The following ATP7A variants were observed in gnomAD, a reference collection of about 807,000 sequenced individuals.
ATP7A encodes copper-transporting ATPase 1.
A neutral mutation model predicts 83.5 loss-of-function variants in ATP7A; 7 were observed. The observed-to-expected ratio is 0.08, with a 90% CI of 0.05 to 0.16. ATP7A has a LOEUF of 0.16. ATP7A is among the 10% of genes least tolerant of loss of function. The probability of loss-of-function intolerance (pLI) is 1.00; values close to 1 mark genes in which losing one functional copy is unlikely to be tolerated. For missense variants in ATP7A, 940 were observed against 1,120.8 expected, an observed-to-expected ratio of 0.84 and a Z score of 2.30; for synonymous variants, 354 against 395.2, an observed-to-expected ratio of 0.90 and a Z score of 1.24.
rs781883798 is a variant in ATP7A at position 78,024,154 on chromosome X, G to C, written c.2916+3075G>C. 4.5e-5 allele frequency among the ~76,000 whole-genome samples: 5 copies of C among 111,779 alleles called. No homozygotes were observed. The South Asian group carries it at 1.8e-3, about 41-fold the overall frequency. ...TCTCTATTTTGTTCAGTTGATCTAC[G>C]TGTCTATTTTTGTATCAATACCACG... On this transcript the variant is annotated intron_variant, in intron 14 of 22. Transcript: ENST00000341514.
At chrX:77,957,265 A>G (rs1163290863) in intron 1 of ATP7A, among the ~76,000 whole-genome samples, 1 of 110,956 alleles carries the variant, frequency 9.0e-6, no homozygotes, top group Non-Finnish European at 1.9e-5. Context: ...GTTTTAGGGT[A>G]CATGTGCACA....
At chrX:77,932,550 A>G (rs901948911) in intron 1 of ATP7A, among the ~76,000 whole-genome samples, 32 of 112,407 alleles carry the variant, frequency 2.8e-4, no homozygotes, top group Non-Finnish European at 4.7e-4. Context: ...AGGCCAAGGC[A>G]GGCGGCTGGG....
intron 5 of ATP7A, 124 bp downstream of exon 5, chrX:77,998,808 T>C: frequency 2.6e-6 from 2 of 769,316 alleles, no homozygotes; most frequent in Non-Finnish European, 4.0e-6. Context: ...TTTTCAGTAA[T>C]GTGTGGGACA....
At chrX:78,033,894 T>TTCAGG in intron 17 of ATP7A, 73 bp downstream of exon 17, 1 of 1,020,587 alleles carries the variant, frequency 9.8e-7, no homozygotes, top group Non-Finnish European at 1.4e-6. Context: ...AACCCTGAAC[T>TTCAGG]GTTATAGAAG....
chrX:78,012,258 C>A (rs1451084700), intron 9 of ATP7A, among the ~76,000 whole-genome samples: 9 of 111,748 alleles, frequency 8.1e-5, no homozygotes, highest in Non-Finnish European at 1.7e-4. Context: ...TTATAAAAGG[C>A]AATAATGATT....
chrX:78,007,589 T>C (rs1557233888), intron 6 of ATP7A, among the ~76,000 whole-genome samples: 1 of 112,358 alleles, frequency 8.9e-6, no homozygotes, highest in Admixed American at 9.4e-5. Context: ...CCTCCCAAAG[T>C]GCTGGGATTA....
Position 78,046,500 on chromosome X carries a change from T to C in ATP7A, c.4433T>C (p.Val1478Ala). The change falls in exon 23 of 23, where the codon GTT becomes GCT. Residue 1478 changes from valine to alanine, a missense_variant. Physicochemically the swap from Val to Ala is moderately conservative, Grantham distance 64. Transcript: ENST00000341514. ...GATAAACGCTCCCTAAACAGTGTTG[T>C]TACCAGTGAACCTGACAAGCACTCA... Reference protein sequence around the residue: ...LSDKRSLNSVVTSEPDKHSLL... With the variant: ...LSDKRSLNSVATSEPDKHSLL... 1 of 1,211,526 alleles carries C rather than the reference T, an allele frequency of 8.3e-7. No individual in the cohort carries two copies. Among genetic ancestry groups the C allele is most frequent in the Non-Finnish European group, 1.1e-6 (1 of 895,329 alleles).
At chrX:78,015,716 A>G in intron 11 of ATP7A, 38 bp from the exon 12 acceptor site, 1 of 1,209,878 alleles carries the variant, frequency 8.3e-7, no homozygotes, top group Non-Finnish European at 1.1e-6. Flanking sequence ...GGTAGGAAGC[A>G]TATTATCATG....
chrX:77,992,557 C>T (rs2077675866), intron 4 of ATP7A, among the ~76,000 whole-genome samples: 1 of 111,302 alleles, frequency 9.0e-6, no homozygotes, highest in African/African-American at 3.3e-5. Context: ...ATCAGGGAGC[C>T]ATAAAAATGA....
chrX:78,033,047 C>G (rs1234852136), intron 16 of ATP7A, among the ~76,000 whole-genome samples: 1 of 112,396 alleles, frequency 8.9e-6, no homozygotes. Context: ...GCAGAGAATA[C>G]TGATAAGCTT....
intron 1 of ATP7A, among the ~76,000 whole-genome samples, chrX:77,911,404 GAGATTATCTTA>G (rs2077159079): frequency 9.0e-6 from 1 of 111,409 alleles, no homozygotes; most frequent in East Asian, 2.8e-4. Context: ...TGTAGACGTT[GAGATTATCTTA>G]AGCACAAACA....
chrX:78,020,511 A>G lies in ATP7A; in HGVS notation c.2781+113A>G, dbSNP rs2077897711. On this transcript the variant is annotated intron_variant, in intron 13 of 22. Coordinates refer to ENST00000341514, the MANE Select transcript of ATP7A (RefSeq NM_000052.7). ...AAAAATTTTAGTTGCATTAATATGG[A>G]GTTCGTTTGTTTTTGTTTTGAGATA... The G allele has an allele frequency of 3.2e-6, 3 of 938,108 alleles. No individual in the cohort carries two copies. The Admixed American group carries it at 7.4e-5, about 23-fold the overall frequency. The allele number at this position is 938,108 out of a possible 1,213,427, so 77.3% of individuals were successfully genotyped here.
Position 78,047,196 on chromosome X carries a change from C to T in ATP7A, c.*626C>T, listed in dbSNP as rs1161189612. On this transcript the variant is annotated 3_prime_UTR_variant, in exon 23 of 23. Coordinates refer to ENST00000341514, the MANE Select transcript of ATP7A (RefSeq NM_000052.7). ...TATGTCTTCTTTTGTTATTTTCTTT[C>T]GAGCTAACCAAGTTTAGGTGGTTTT... 8.9e-5 allele frequency: 10 copies of T among 112,021 alleles called. No individual in the cohort carries two copies. The highest frequency in any genetic ancestry group is 3.2e-4 in the African/African-American group (10 of 30,772). 9.2% of individuals were successfully genotyped at this position (112,021 alleles called of 1,213,427 possible). A position where few individuals can be genotyped will look rare whatever the true frequency, so the allele number is the denominator to read the frequency against.
At chrX:77,952,817 T>C (rs980130832) in intron 1 of ATP7A, among the ~76,000 whole-genome samples, 1 of 107,436 alleles carries the variant, frequency 9.3e-6, no homozygotes, top group Non-Finnish European at 1.9e-5. Flanking sequence ...AGTCTTGCTC[T>C]GTTGTCCAGG....
intron 1 of ATP7A, chrX:77,965,491 G>T (rs1557228610): frequency 3.3e-6 from 1 of 301,757 alleles, no homozygotes; most frequent in Non-Finnish European, 6.4e-6. Flanking sequence ...TGCTAGGATG[G>T]GTAGAATAAA....
At chrX:77,990,656 A>G (rs1245606407) in intron 4 of ATP7A, among the ~76,000 whole-genome samples, 3 of 112,244 alleles carry the variant, frequency 2.7e-5, no homozygotes, top group African/African-American at 6.5e-5. Flanking sequence ...ATTTCCTGAC[A>G]GCTCTTACCT....
chrX:77,977,925 A>G (rs1469774552), intron 2 of ATP7A, among the ~76,000 whole-genome samples: 6 of 111,628 alleles, frequency 5.4e-5, no homozygotes, highest in Non-Finnish European at 7.5e-5. Flanking sequence ...TTAAAAAAAT[A>G]TTTTACTAAG....
chrX:77,977,441 A>G (rs2077582379), intron 2 of ATP7A, among the ~76,000 whole-genome samples: 1 of 112,393 alleles, frequency 8.9e-6, no homozygotes, highest in African/African-American at 3.2e-5. Flanking sequence ...CTGACAGCTA[A>G]AGTATTTTCC....
At chrX:78,031,104 T>C (rs2077981305) in intron 15 of ATP7A, among the ~76,000 whole-genome samples, 1 of 111,962 alleles carries the variant, frequency 8.9e-6, no homozygotes, top group Non-Finnish European at 1.9e-5. Flanking sequence ...AGGCGTCTCT[T>C]AATTACCTAT....
Sources: allele counts gnomAD v4.1 joint callset (sites outside exome capture counted in the v4.1 genomes callset), GRCh38; gene constraint gnomAD v4.1.1; transcripts MANE v1.5; gene names NCBI Gene and HGNC (gene_info 2026-07-23, HGNC 2026-07-21).